Variants in GPC6 observed in about 807,000 individuals in gnomAD.
GPC6 encodes the protein glypican 6.
GPC6 carries 14 observed loss-of-function variants against 55.2 expected under a neutral mutation model. That is an observed-to-expected ratio of 0.25 (90% CI 0.17 to 0.40). GPC6 has a LOEUF of 0.40. Among genes scored for constraint, GPC6 ranks in the 10% least tolerant of loss-of-function variants. The probability of loss-of-function intolerance (pLI) is 1.00; values close to 1 mark genes in which losing one functional copy is unlikely to be tolerated. For synonymous variants in GPC6, 278 were observed against 259.6 expected (o/e 1.07, Z -0.68); for missense variants, 641 against 708.5 (o/e 0.90, Z 1.08).
chr13:93,316,116 A>G (rs561613498), intron 1 of GPC6, among the ~76,000 whole-genome samples: 159 of 152,144 alleles, frequency 1.0e-3, no homozygotes, highest in Non-Finnish European at 1.9e-3. Flanking sequence ...CATCCATGGT[A>G]TATTGCCTTC....
chr13:93,830,007 T>C (rs60720642), intron 2 of GPC6, 147 bp from the exon 3 acceptor site: 16,764 of 578,138 alleles, frequency 0.029, 334 homozygotes, highest in South Asian at 0.062. Context: ...ATTTAAAATA[T>C]GTTTTTTATC....
chr13:93,601,794 A>G (rs548196168), intron 2 of GPC6, among the ~76,000 whole-genome samples: 10 of 152,376 alleles, frequency 6.6e-5, no homozygotes, highest in African/African-American at 2.4e-4. Flanking sequence ...TTGAGAGAGA[A>G]GTCTCCTCTC....
intron 4 of GPC6, among the ~76,000 whole-genome samples, chr13:94,243,776 A>G (rs541055252): frequency 1.3e-5 from 2 of 152,242 alleles, no homozygotes; most frequent in Admixed American, 1.3e-4. Context: ...TTTTTGGTTC[A>G]TCATTTATCC....
intron 1 of GPC6, among the ~76,000 whole-genome samples, chr13:93,339,658 T>G (rs1164558098): frequency 6.6e-6 from 1 of 152,224 alleles, no homozygotes; most frequent in Non-Finnish European, 1.5e-5. Flanking sequence ...TTGCATAATG[T>G]TCAATAAAAT....
At chr13:93,786,406 G>A (rs578187738) in intron 2 of GPC6, among the ~76,000 whole-genome samples, 12 of 152,092 alleles carry the variant, frequency 7.9e-5, no homozygotes, top group South Asian at 2.1e-4. Flanking sequence ...TATGACTATC[G>A]TTTTATTAAA....
intron 4 of GPC6, among the ~76,000 whole-genome samples, chr13:94,114,972 G>A (rs1886383782): frequency 6.6e-6 from 1 of 152,142 alleles, no homozygotes; most frequent in South Asian, 2.1e-4. Context: ...GAGAATCAGT[G>A]TGTGTCTGAT....
intron 5 of GPC6, among the ~76,000 whole-genome samples, chr13:94,302,755 C>A (rs999829776): frequency 4.6e-5 from 7 of 152,136 alleles, no homozygotes; most frequent in African/African-American, 1.7e-4. Flanking sequence ...CCAAGATGGC[C>A]ACGGGTGGCT....
chr13:93,736,016 T>C (rs1883988118), intron 2 of GPC6, among the ~76,000 whole-genome samples: 1 of 152,242 alleles, frequency 6.6e-6, no homozygotes, highest in African/African-American at 2.4e-5. Flanking sequence ...GAGAAAAGTA[T>C]ACATCCTGAA....
rs921950670 is a variant in GPC6, at chr13:93,776,393, C to T, written c.320-53761C>T. On this transcript the variant is annotated intron_variant, in intron 2 of 8. Transcript: ENST00000377047. ...AGACTGAAAGTACTTAAATAACTTCCGCCAAACAGATGGGGACAAATTGCC... is the reference window on the plus strand; with the variant it reads ...AGACTGAAAGTACTTAAATAACTTCTGCCAAACAGATGGGGACAAATTGCC... Among the ~76,000 whole-genome samples the T allele has an allele frequency of 1.2e-4, 19 of 152,144 alleles. No homozygotes were observed. In the East Asian group the frequency reaches 2.1e-3, roughly 17 times the overall value.
chr13:93,852,080 A>G (rs1275081016), intron 3 of GPC6, among the ~76,000 whole-genome samples: 1 of 151,788 alleles, frequency 6.6e-6, no homozygotes, highest in Non-Finnish European at 1.5e-5. Flanking sequence ...TGACAGCAAT[A>G]TCAAATTTAA....
At chr13:93,862,736 T>C (rs1368538349) in intron 3 of GPC6, among the ~76,000 whole-genome samples, 1 of 151,658 alleles carries the variant, frequency 6.6e-6, no homozygotes, top group Non-Finnish European at 1.5e-5. Flanking sequence ...TCCAGAGTAA[T>C]ATCCCCGTTG....
chr13:94,111,406 A>G (rs1886240476), intron 4 of GPC6, among the ~76,000 whole-genome samples: 1 of 151,586 alleles, frequency 6.6e-6, no homozygotes, highest in African/African-American at 2.4e-5. Flanking sequence ...GCAAACCACC[A>G]TGGCACATGT....
chr13:93,573,052 G>T (rs765011204), intron 2 of GPC6, among the ~76,000 whole-genome samples: 10 of 151,980 alleles, frequency 6.6e-5, no homozygotes, highest in Non-Finnish European at 1.5e-4. Flanking sequence ...ATAATAGCAA[G>T]AATGTTCTGT....
intron 2 of GPC6, among the ~76,000 whole-genome samples, chr13:93,548,502 T>G (rs1874948703): frequency 6.6e-6 from 1 of 152,210 alleles, no homozygotes; most frequent in African/African-American, 2.4e-5. Context: ...TTTAACTTTT[T>G]ATTTTGTGGC....
intron 2 of GPC6, among the ~76,000 whole-genome samples, chr13:93,768,679 G>T (rs2138888590): frequency 1.3e-5 from 2 of 152,244 alleles, no homozygotes; most frequent in East Asian, 3.9e-4. Context: ...TGCAGTGATG[G>T]CCATTAAGAT....
At chr13:93,743,084 T>C (rs1468007935) in intron 2 of GPC6, among the ~76,000 whole-genome samples, 1 of 152,046 alleles carries the variant, frequency 6.6e-6, no homozygotes. Context: ...TTTAGAGAAA[T>C]GGTGGTCTAT....
In GPC6 at chr13:94,184,393, A is replaced by G. The variant is rs561903049; in HGVS notation, c.878-101956A>G. Among the ~76,000 whole-genome samples, 3 of 152,320 alleles carry G rather than the reference A, an allele frequency of 2.0e-5. No individual in the cohort carries two copies. The East Asian group carries it at 5.8e-4, about 29-fold the overall frequency. ...AAAATATTCTCAAACTATGCATCCA[A>G]CAAAGGTCTAACATCCAGAATCTAG... On this transcript the variant is annotated intron_variant, in intron 4 of 8. Coordinates refer to ENST00000377047, the MANE Select transcript of GPC6 (RefSeq NM_005708.5).
chr13:93,691,451 T>G (rs1452601004), intron 2 of GPC6, among the ~76,000 whole-genome samples: 3 of 148,220 alleles, frequency 2.0e-5, no homozygotes, highest in Non-Finnish European at 3.0e-5. Context: ...AAATTTGGCT[T>G]CTTCTGTAGG....
At chr13:93,684,856 C>T (rs1307392053) in intron 2 of GPC6, among the ~76,000 whole-genome samples, 2 of 152,100 alleles carry the variant, frequency 1.3e-5, no homozygotes, top group East Asian at 3.9e-4. Flanking sequence ...TAAGAAGGAG[C>T]CATAGATAAT....
Sources: allele counts gnomAD v4.1 joint callset (sites outside exome capture counted in the v4.1 genomes callset), GRCh38; gene constraint gnomAD v4.1.1; transcripts MANE v1.5; gene names NCBI Gene and HGNC (gene_info 2026-07-23, HGNC 2026-07-21).